CEP350: variants seen among roughly 807,000 people sequenced by gnomAD.
The protein encoded by CEP350 is centrosomal protein 350, also known as centrosome-associated protein 350.
CEP350 carries 126 observed loss-of-function variants against 331.8 expected under a neutral mutation model. The ratio of observed to expected loss-of-function variants is 0.38; its 90% CI spans 0.33 to 0.44. CEP350 has a LOEUF of 0.44. CEP350 is among the 20% of genes least tolerant of loss of function. The pLI is 1.00. For synonymous variants in CEP350, 1,200 were observed against 1,259.5 expected, an observed-to-expected ratio of 0.95 and a Z score of 1.00; for missense variants, 3,406 against 3,634.6, an observed-to-expected ratio of 0.94 and a Z score of 1.62.
chr1:180,092,487 A>G, intron 33 of CEP350, 127 bp from the exon 34 acceptor site: 1 of 551,326 alleles, frequency 1.8e-6, no homozygotes, highest in Non-Finnish European at 3.1e-6. Flanking sequence ...AGTAGCCAAA[A>G]CAGGTCATAT....
intron 1 of CEP350, among the ~76,000 whole-genome samples, chr1:179,959,955 G>A (rs1008744617): frequency 1.3e-5 from 2 of 151,776 alleles, no homozygotes; most frequent in Non-Finnish European, 2.9e-5. Flanking sequence ...CTCACTTAAT[G>A]TTGTCCATAA....
Position 180,078,523 on chromosome 1 carries a change from C to T in CEP350, c.5828C>T (p.Ser1943Phe), listed in dbSNP as rs1158022192. ...TACTCTCATCTAAACAGTGAAAGCTCCATTCCAGAAGAATTAGGCAGCCCT... is the reference window on the plus strand; with the variant it reads ...TACTCTCATCTAAACAGTGAAAGCTTCATTCCAGAAGAATTAGGCAGCCCT... The part of the protein sequence containing the change: ...PLYSHLNSES[S>F]IPEELGSPAV... The change falls in exon 29 of 38, where the codon TCC becomes TTC. Residue 1943 changes from serine (S) to phenylalanine (F), a missense_variant. Coordinates refer to ENST00000367607, the MANE Select transcript of CEP350 (RefSeq NM_014810.5). 1.2e-6 allele frequency: 2 copies of T among 1,613,644 alleles called. No homozygotes were observed. The highest frequency in any genetic ancestry group is 1.7e-6 in the Non-Finnish European group (2 of 1,179,774).
chr1:180,005,226 T>C (rs1046285505), intron 7 of CEP350, among the ~76,000 whole-genome samples: 2 of 152,030 alleles, frequency 1.3e-5, no homozygotes, highest in Non-Finnish European at 2.9e-5. Context: ...GCTACTTCCA[T>C]GTCTCCCTTT....
intron 9 of CEP350, among the ~76,000 whole-genome samples, chr1:180,013,283 G>A (rs952195290): frequency 2.0e-5 from 3 of 152,116 alleles, no homozygotes; most frequent in African/African-American, 7.2e-5. Flanking sequence ...TGAACATGGT[G>A]CCATTTCATG....
intron 33 of CEP350, among the ~76,000 whole-genome samples, chr1:180,092,343 T>A (rs974670921): frequency 6.6e-6 from 1 of 152,228 alleles, no homozygotes; most frequent in African/African-American, 2.4e-5. Flanking sequence ...AAAGCAATGG[T>A]TCCATCAACT....
intron 30 of CEP350, among the ~76,000 whole-genome samples, chr1:180,082,888 T>A (rs1659660873): frequency 6.6e-6 from 1 of 152,224 alleles, no homozygotes; most frequent in Non-Finnish European, 1.5e-5. Flanking sequence ...AAGTAAATAT[T>A]GAGCCTTGCC....
chr1:180,108,206 G>A (rs926822179), intron 37 of CEP350, among the ~76,000 whole-genome samples: 2 of 152,128 alleles, frequency 1.3e-5, no homozygotes, highest in Non-Finnish European at 2.9e-5. Flanking sequence ...GGGCTGCATT[G>A]AGGTTACACC....
intron 1 of CEP350, among the ~76,000 whole-genome samples, chr1:179,964,368 C>G (rs976214840): frequency 2.0e-5 from 3 of 151,906 alleles, no homozygotes; most frequent in African/African-American, 7.3e-5. Flanking sequence ...ACATCCTTGT[C>G]TTTTTTCAGT....
intron 16 of CEP350, among the ~76,000 whole-genome samples, chr1:180,034,655 G>A (rs1656235964): frequency 6.6e-6 from 1 of 151,900 alleles, no homozygotes; most frequent in African/African-American, 2.4e-5. Context: ...AGCGATCTTT[G>A]ATGTTCCTGT....
intron 1 of CEP350, among the ~76,000 whole-genome samples, chr1:179,955,602 C>G (rs552415657): frequency 3.9e-5 from 6 of 152,178 alleles, no homozygotes; most frequent in African/African-American, 7.2e-5. Flanking sequence ...CTAGCGGCTG[C>G]TGAAGGTAGT....
intron 1 of CEP350, chr1:179,968,805 G>A (rs1410836816): frequency 1.4e-6 from 1 of 693,410 alleles, no homozygotes; most frequent in Admixed American, 1.8e-5. Flanking sequence ...ATCTGAAGAG[G>A]ACCTGAAAGA....
intron 1 of CEP350, among the ~76,000 whole-genome samples, chr1:179,983,242 CT>C (rs950758769): frequency 4.0e-5 from 6 of 149,376 alleles, no homozygotes; most frequent in Admixed American, 6.7e-5. Flanking sequence ...AGTTTTGGAA[CT>C]TTTTTTTTTG....
rs190153905 is a variant in CEP350 at position 180,025,160 on chromosome 1, G to A, written c.3550+578G>A. 4.5e-3 allele frequency among the ~76,000 whole-genome samples: 679 copies of A among 152,036 alleles called. 7 individuals carry two copies. The highest frequency in any genetic ancestry group is 0.016 in the African/African-American group (644 of 41,480). ...AGGATGGTCTCGATCTCCTGACCTCGTGATCCACCCGCCTTGGCCTCCCAA... is the reference window on the plus strand; with the variant it reads ...AGGATGGTCTCGATCTCCTGACCTCATGATCCACCCGCCTTGGCCTCCCAA... On this transcript the variant is annotated intron_variant, in intron 14 of 37. Coordinates refer to ENST00000367607, the MANE Select transcript of CEP350 (RefSeq NM_014810.5).
At chr1:180,023,671 T>C (rs995125369) in intron 13 of CEP350, among the ~76,000 whole-genome samples, 3 of 152,242 alleles carry the variant, frequency 2.0e-5, no homozygotes, top group Non-Finnish European at 4.4e-5. Context: ...AGTATTACTG[T>C]TATCATTTCT....
At chr1:179,959,862 T>C (rs1571770004) in intron 1 of CEP350, among the ~76,000 whole-genome samples, 1 of 152,216 alleles carries the variant, frequency 6.6e-6, no homozygotes, top group Admixed American at 6.5e-5. Context: ...TTAAGTCTTA[T>C]TTCTTACTTT....
chr1:180,004,334 T>C (rs1654065119), intron 7 of CEP350, among the ~76,000 whole-genome samples: 1 of 152,228 alleles, frequency 6.6e-6, no homozygotes, highest in East Asian at 1.9e-4. Context: ...CTAACCCATC[T>C]ACTTGTGTTT....
intron 5 of CEP350, among the ~76,000 whole-genome samples, chr1:179,994,947 A>AT (rs1432915458): frequency 6.6e-6 from 1 of 152,190 alleles, no homozygotes; most frequent in Non-Finnish European, 1.5e-5. Flanking sequence ...TTAGGGTTTT[A>AT]TGCTTTTACC....
intron 5 of CEP350, among the ~76,000 whole-genome samples, chr1:179,994,874 T>C (rs12130397): frequency 0.14 from 20,752 of 152,162 alleles, 1,497 homozygotes; most frequent in South Asian, 0.16. Context: ...CACACGCTCA[T>C]ATGATCTCAG....
At chr1:180,043,970 C>G in intron 20 of CEP350, 81 bp from the exon 21 acceptor site, 1 of 1,130,802 alleles carries the variant, frequency 8.8e-7, no homozygotes, top group Non-Finnish European at 1.2e-6. Context: ...GATTTTATCT[C>G]ATATTACTAT....
Sources: allele counts gnomAD v4.1 joint callset (sites outside exome capture counted in the v4.1 genomes callset), GRCh38; gene constraint gnomAD v4.1.1; transcripts MANE v1.5; gene names NCBI Gene and HGNC (gene_info 2026-07-23, HGNC 2026-07-21).